RAB27B: variants seen among roughly 807,000 people sequenced by gnomAD.
RAB27B encodes ras-related protein Rab-27B.
In RAB27B, 15 loss-of-function variants were observed where a neutral mutation model predicts 24.6. The ratio of observed to expected loss-of-function variants is 0.61; its 90% CI spans 0.41 to 0.94. RAB27B has a LOEUF of 0.94. Among genes scored for constraint, RAB27B ranks in the 40% least tolerant of loss-of-function variants. RAB27B has a pLI of 0.00. For synonymous variants in RAB27B, 105 were observed against 92.5 expected (o/e 1.14, Z -0.78); for missense variants, 261 against 266.8 (o/e 0.98, Z 0.15).
At chr18:54,847,314 T>A (rs1293893571) in intron 1 of RAB27B, among the ~76,000 whole-genome samples, 1 of 152,232 alleles carries the variant, frequency 6.6e-6, no homozygotes, top group African/African-American at 2.4e-5. Context: ...ATGATGGAAA[T>A]ACCCAGTTCT....
rs548858002 is a variant in RAB27B, at chr18:54,884,936, T to C, written c.343+500T>C. Among the ~76,000 whole-genome samples, 8 of 152,232 alleles carry C rather than the reference T, an allele frequency of 5.3e-5. No individual in the cohort carries two copies. In the South Asian group the frequency reaches 1.7e-3, roughly 32 times the overall value. On this transcript the variant is annotated intron_variant, in intron 4 of 5. Coordinates refer to ENST00000262094, the MANE Select transcript of RAB27B (RefSeq NM_004163.4). ...TGATAAGGTGAGGCATAGCACAGTG[T>C]GTCAGTCAGTCAGCTCGCTTGGGAA...
At chr18:54,728,076 G>A (rs1269305981) in intron 2 of RAB27B, among the ~76,000 whole-genome samples, 3 of 152,150 alleles carry the variant, frequency 2.0e-5, no homozygotes. Context: ...AGACTGAGCA[G>A]TACATTTCCT....
chr18:54,877,411 C>A (rs1174773609), intron 1 of RAB27B, among the ~76,000 whole-genome samples, 156 bp from the exon 2 acceptor site: 2 of 152,152 alleles, frequency 1.3e-5, no homozygotes, highest in African/African-American at 2.4e-5. Context: ...TGTGCCTTCA[C>A]CCCTAAAGCT....
At chr18:54,782,660 G>T (rs546742989) in intron 2 of RAB27B, among the ~76,000 whole-genome samples, 1 of 152,296 alleles carries the variant, frequency 6.6e-6, no homozygotes, top group South Asian at 2.1e-4. Flanking sequence ...GACTGAAGTT[G>T]TTCCTTAAAT....
intron 1 of RAB27B, among the ~76,000 whole-genome samples, chr18:54,845,066 C>G (rs1173561012): frequency 6.6e-6 from 1 of 152,146 alleles, no homozygotes; most frequent in Non-Finnish European, 1.5e-5. Context: ...ATTAGCATCA[C>G]AATGCCCACT....
chr18:54,823,140 T>G (rs1910363977), intron 2 of RAB27B, among the ~76,000 whole-genome samples: 1 of 152,240 alleles, frequency 6.6e-6, no homozygotes, highest in Admixed American at 6.5e-5. Flanking sequence ...AATTTGCCAG[T>G]AGAAAGTCTC....
intron 2 of RAB27B, among the ~76,000 whole-genome samples, chr18:54,724,257 T>C (rs1909458154): frequency 6.6e-6 from 1 of 151,658 alleles, no homozygotes; most frequent in Non-Finnish European, 1.5e-5. Context: ...AGCAACAGCA[T>C]ATATAGAAAA....
intron 3 of RAB27B, among the ~76,000 whole-genome samples, chr18:54,882,272 G>A (rs1037480202): frequency 6.6e-6 from 1 of 152,068 alleles, no homozygotes; most frequent in African/African-American, 2.4e-5. Context: ...TTTAATAATT[G>A]TATATCTTTT....
At chr18:54,879,160 C>G (rs1912821248) in intron 2 of RAB27B, among the ~76,000 whole-genome samples, 1 of 152,036 alleles carries the variant, frequency 6.6e-6, no homozygotes, top group Admixed American at 6.6e-5. Context: ...TTGCAATATG[C>G]CTAAACTGTG....
intron 3 of RAB27B, chr18:54,880,590 A>C (rs1912884535): frequency 6.6e-6 from 1 of 152,138 alleles, no homozygotes; most frequent in Non-Finnish European, 1.5e-5. Context: ...AATTCCATTT[A>C]CACACACCCT....
At chr18:54,735,325 A>G (rs1909854952) in intron 2 of RAB27B, among the ~76,000 whole-genome samples, 1 of 152,208 alleles carries the variant, frequency 6.6e-6, no homozygotes, top group Non-Finnish European at 1.5e-5. Flanking sequence ...AATATAATGT[A>G]AAAAGCAGTT....
chr18:54,811,357 A>T (rs896520172), intron 2 of RAB27B, among the ~76,000 whole-genome samples: 1 of 152,170 alleles, frequency 6.6e-6, no homozygotes, highest in East Asian at 1.9e-4. Flanking sequence ...GATGTGAGAT[A>T]TTAATCATTA....
intron 2 of RAB27B, among the ~76,000 whole-genome samples, chr18:54,805,904 A>G (rs1236468705): frequency 1.3e-5 from 2 of 152,196 alleles, no homozygotes; most frequent in Non-Finnish European, 2.9e-5. Context: ...AAATGCAAGT[A>G]CCACTCCATC....
At chr18:54,727,621 C>A (rs1259800332) in intron 2 of RAB27B, among the ~76,000 whole-genome samples, 1 of 152,058 alleles carries the variant, frequency 6.6e-6, no homozygotes, top group Non-Finnish European at 1.5e-5. Context: ...TGGGTGAGTT[C>A]TTAATACTAA....
chr18:54,726,239 G>T (rs7244317), intron 2 of RAB27B, among the ~76,000 whole-genome samples: 26,990 of 151,310 alleles, frequency 0.18, 3,126 homozygotes, highest in African/African-American at 0.24. Context: ...TCATAAATCT[G>T]AGGGTTGCAA....
intron 1 of RAB27B, among the ~76,000 whole-genome samples, chr18:54,872,227 A>T (rs191823583): frequency 6.6e-6 from 1 of 152,220 alleles, no homozygotes; most frequent in Non-Finnish European, 1.5e-5. Context: ...TTTCAAGTGC[A>T]GTATCTCTGT....
intron 2 of RAB27B, among the ~76,000 whole-genome samples, chr18:54,794,343 T>C (rs1016010748): frequency 2.6e-5 from 4 of 152,208 alleles, no homozygotes; most frequent in Non-Finnish European, 5.9e-5. Flanking sequence ...CTGAGTGTCA[T>C]TATCAATGAC....
chr18:54,736,243 A>G (rs1022476533), intron 2 of RAB27B, among the ~76,000 whole-genome samples: 18 of 152,198 alleles, frequency 1.2e-4, no homozygotes, highest in African/African-American at 4.1e-4. Flanking sequence ...ATGCTCGATT[A>G]TGATGAAACG....
At position 54,820,935 on chromosome 18, in the gene RAB27B, G is replaced by A. The variant is rs1413574146; in HGVS notation, c.-19-56632G>A. Among the ~76,000 whole-genome samples, 5 of 152,056 alleles carry A rather than the reference G, an allele frequency of 3.3e-5. No homozygotes were observed. The South Asian group carries it at 6.2e-4, about 19-fold the overall frequency. ...AAAGATCAGATGGTTGTAGATATGCGGCATTATTTCTGAGGGCTCTGTTCT... is the reference window on the plus strand; with the variant it reads ...AAAGATCAGATGGTTGTAGATATGCAGCATTATTTCTGAGGGCTCTGTTCT... On this transcript the variant is annotated intron_variant, in intron 2 of 4. Transcript: ENST00000586570.
Sources: gnomAD v4.1 joint callset for allele counts (sites outside exome capture counted in the v4.1 genomes callset) on GRCh38, gnomAD v4.1.1 for gene constraint, MANE v1.5 for transcripts, NCBI Gene and HGNC (gene_info 2026-07-23, HGNC 2026-07-21) for gene names.